SLC24A4: variants seen among roughly 807,000 people sequenced by gnomAD.
SLC24A4 encodes sodium/potassium/calcium exchanger 4.
A neutral mutation model predicts 79.0 loss-of-function variants in SLC24A4; 53 were observed. The observed-to-expected ratio is 0.67, with a 90% confidence interval of 0.54 to 0.84. SLC24A4 has a LOEUF of 0.84. Ranked by LOEUF, SLC24A4 falls within the 40% of genes least tolerant of loss-of-function variation. The probability of loss-of-function intolerance (pLI) is 0.00; values close to 1 mark genes in which losing one functional copy is unlikely to be tolerated. For missense variants in SLC24A4, 731 were observed against 822.0 expected (o/e 0.89, Z 1.35); for synonymous variants, 323 against 323.8 (o/e 1.00, Z 0.03).
chr14:92,374,440 G>A (rs1357932320), intron 2 of SLC24A4, among the ~76,000 whole-genome samples: 2 of 152,208 alleles, frequency 1.3e-5, no homozygotes, highest in Admixed American at 6.5e-5. Flanking sequence ...CTCTTGGAAG[G>A]CGGAGTAAAG....
chr14:92,372,545 G>A (rs1334482043), intron 2 of SLC24A4, among the ~76,000 whole-genome samples: 4 of 152,130 alleles, frequency 2.6e-5, no homozygotes, highest in African/African-American at 7.2e-5. Context: ...TGTATGTACT[G>A]GTGTGTTAGG....
In SLC24A4 at chr14:92,323,746, G is replaced by T; in HGVS notation, c.-85G>T. On this transcript the variant is annotated 5_prime_UTR_variant, in exon 1 of 17. Transcript: ENST00000532405. The surrounding 1 kb of genome is among the most constrained non-coding windows in gnomAD (Gnocchi z 4.9). The stretch of plus-strand genomic sequence containing the variant: ...TCTGAGTCGCGCACCGCCTGCTCCA[G>T]CCCCAGCGCCGCTCGGCCACTGATT... The T allele has an allele frequency of 6.8e-7, 1 of 1,471,386 alleles. No individual in the cohort carries two copies. 91.1% of individuals were successfully genotyped at this position (1,471,386 alleles called of 1,614,324 possible).
At chr14:92,372,644 GC>G (rs1888234252) in intron 2 of SLC24A4, among the ~76,000 whole-genome samples, 2 of 152,144 alleles carry the variant, frequency 1.3e-5, no homozygotes, top group South Asian at 4.1e-4. Context: ...ATGTTTTCTA[GC>G]AAAATGTGCC....
chr14:92,361,223 T>A (rs957297790), intron 2 of SLC24A4, among the ~76,000 whole-genome samples: 4 of 152,172 alleles, frequency 2.6e-5, no homozygotes, highest in Admixed American at 6.5e-5. Context: ...AGAACTTTTT[T>A]TTTTTTGCTG....
In SLC24A4 at chr14:92,403,533, A is replaced by G. The variant is rs888658521; in HGVS notation, c.242-30379A>G. ...TGAGGCAGGAGAATTGTGTGAACCC[A>G]GGAGGTGGAGGTTGCAGTGAGCCGA... On this transcript the variant is annotated intron_variant, in intron 2 of 16. Coordinates refer to ENST00000532405, the MANE Select transcript of SLC24A4 (RefSeq NM_153646.4). 4.4e-4 allele frequency among the ~76,000 whole-genome samples: 67 copies of G among 151,468 alleles called. 1 individual carries two copies. Among genetic ancestry groups the G allele is most frequent in the Admixed American group, 1.7e-3 (26 of 15,196 alleles).
Position 92,323,631 on chromosome 14 carries a change from C to T in SLC24A4, c.-200C>T. On this transcript the variant is annotated 5_prime_UTR_variant, in exon 1 of 17. Transcript: ENST00000532405. This position sits in a 1 kb window ranked among gnomAD's most constrained non-coding sequence, Gnocchi z 4.9. ...CACGCGGCGCGCGGGACTCTGAGCT[C>T]CGGCCGCGTCGCGCGTCCCCACCTT... 4 of 543,868 alleles carry T rather than the reference C, an allele frequency of 7.4e-6. No individual in the cohort carries two copies. Among genetic ancestry groups the T allele is most frequent in the East Asian group, 3.6e-5 (1 of 27,714 alleles). The allele number at this position is 543,868 out of a possible 1,614,324, so 33.7% of individuals were successfully genotyped here.
rs761242671 is a variant in SLC24A4 at position 92,456,607 on chromosome 14, G to C, written c.1254G>C (p.Pro418=). The change falls in exon 12 of 17, where the codon CCG becomes CCC. Residue 418 remains proline, a splice_region_variant and synonymous_variant. Coordinates refer to ENST00000532405, the MANE Select transcript of SLC24A4 (RefSeq NM_153646.4). ...EADFLSPFSV[P]EARGDKVKWV... ...ACTTCCTGTCCCCCTTCTCCGTGCC[G>C]GGTGAGTTCTGGGGGTACTGGACTC... 7.4e-6 allele frequency: 12 copies of C among 1,612,888 alleles called. No homozygotes were observed. The African/African-American group carries it at 1.1e-4, about 14-fold the overall frequency.
At position 92,482,855 on chromosome 14, in the gene SLC24A4, G is replaced by T. The variant is rs1463763492; in HGVS notation, c.1422+9G>T. On this transcript the variant is annotated intron_variant, in intron 13 of 16. Coordinates refer to ENST00000532405, the MANE Select transcript of SLC24A4 (RefSeq NM_153646.4). ...ACATCATGGTGTGGCTGGTGAGTGG[G>T]GGGAGCAGGGGGTGGACTGTGTGCA... The T allele has an allele frequency of 6.2e-7, 1 of 1,604,736 alleles. No individual in the cohort carries two copies. The highest frequency in any genetic ancestry group is 1.1e-5 in the South Asian group (1 of 89,576).
rs186529466 is a variant in SLC24A4, at chr14:92,493,666, C to T, written c.*38C>T. ...GCCCCTGGGAGCTGATCTGGACACC[C>T]TGTGACACTGGCGTTCTCCTCTCCC... is the stretch of plus-strand genomic sequence containing the variant. On this transcript the variant is annotated 3_prime_UTR_variant, in exon 17 of 17. Coordinates refer to ENST00000532405, the MANE Select transcript of SLC24A4 (RefSeq NM_153646.4). The T allele has an allele frequency of 6.0e-5, 96 of 1,608,550 alleles. No individual in the cohort carries two copies. The African/African-American group carries it at 1.2e-3, about 20-fold the overall frequency.
intron 2 of SLC24A4, among the ~76,000 whole-genome samples, chr14:92,354,320 T>G (rs879274324): frequency 3.5e-4 from 54 of 152,214 alleles, no homozygotes; most frequent in Non-Finnish European, 6.9e-4. Flanking sequence ...CCGGCTATTT[T>G]TTTTGTATTT....
intron 2 of SLC24A4, among the ~76,000 whole-genome samples, chr14:92,342,002 G>A (rs1292580759): frequency 6.6e-6 from 1 of 152,126 alleles, no homozygotes; most frequent in Admixed American, 6.6e-5. Context: ...TGTGGGCTTT[G>A]GGTGACCCAT....
rs778472920 is a variant in SLC24A4, at chr14:92,443,407, G to A, written c.590G>A (p.Arg197His). The A allele has an allele frequency of 3.4e-5, 55 of 1,614,022 alleles. No individual in the cohort carries two copies. The highest frequency in any genetic ancestry group is 1.1e-4 in the African/African-American group (8 of 74,934). ...VCGLFAGQVV[R>H]LTWWAVCRDS... The stretch of plus-strand genomic sequence containing the variant: ...ACGGGGCTCTGCTGGCAGGTGGTCC[G>A]TCTGACGTGGTGGGCCGTGTGCCGA... Residue 197 changes from arginine (R) to histidine (H), a missense_variant, in exon 7 of 17, where the codon CGT becomes CAT. Physicochemically the swap from Arg to His is conservative, Grantham distance 29 (BLOSUM62 0). Coordinates refer to ENST00000532405, the MANE Select transcript of SLC24A4 (RefSeq NM_153646.4).
At chr14:92,372,468 T>G (rs2141689929) in intron 2 of SLC24A4, among the ~76,000 whole-genome samples, 1 of 152,132 alleles carries the variant, frequency 6.6e-6, no homozygotes, top group South Asian at 2.1e-4. Context: ...GGTGGGTGTG[T>G]GCTCAGCCCC....
Position 92,398,729 on chromosome 14 carries a change from G to A in SLC24A4, c.242-35183G>A, listed in dbSNP as rs965077331. ...TTGCTTGGACACACTGGGCTGCACA[G>A]GCCAGGAAATTACCAGCATGTCCTC... On this transcript the variant is annotated intron_variant, in intron 2 of 16. Transcript: ENST00000532405. This position sits in a 1 kb window ranked among gnomAD's most constrained non-coding sequence, Gnocchi z 4.1. Among the ~76,000 whole-genome samples the A allele has an allele frequency of 6.6e-6, 1 of 152,156 alleles. No individual in the cohort carries two copies. Among genetic ancestry groups the A allele is most frequent in the East Asian group, 1.9e-4 (1 of 5,194 alleles).
At chr14:92,372,658 C>A (rs565469981) in intron 2 of SLC24A4, among the ~76,000 whole-genome samples, 1 of 152,112 alleles carries the variant, frequency 6.6e-6, no homozygotes, top group African/African-American at 2.4e-5. Context: ...AATGTGCCTG[C>A]GTTTCCAGAA....
chr14:92,478,374 C>G (rs10129294), intron 12 of SLC24A4, among the ~76,000 whole-genome samples: 3,013 of 152,268 alleles, frequency 0.02, 96 homozygotes, highest in African/African-American at 0.069. Flanking sequence ...CCAGCTGTCT[C>G]TGCACCATTT....
At chr14:92,426,552 ATGGCACTG>A (rs1891575844) in intron 2 of SLC24A4, among the ~76,000 whole-genome samples, 1 of 152,280 alleles carries the variant, frequency 6.6e-6, no homozygotes, top group South Asian at 2.1e-4. Context: ...TTTCTTTTTC[ATGGCACTG>A]AATCTCTTTT....
In SLC24A4 at chr14:92,397,538, G is replaced by A. The variant is rs565875211; in HGVS notation, c.242-36374G>A. On this transcript the variant is annotated intron_variant, in intron 2 of 16. Coordinates refer to ENST00000532405, the MANE Select transcript of SLC24A4 (RefSeq NM_153646.4). The stretch of plus-strand genomic sequence containing the variant: ...TAGTTGCCAAAGCATCCTGGAGGAG[G>A]GGGCATCCTGTCTGGGTTCCAGGGA... Among the ~76,000 whole-genome samples the A allele has an allele frequency of 1.0e-3, 158 of 152,332 alleles. 2 individuals are homozygous for A. The South Asian group carries it at 0.031, about 30-fold the overall frequency.
At chr14:92,452,707 C>G (rs1316272286) in intron 10 of SLC24A4, 2 of 152,360 alleles carry the variant, frequency 1.3e-5, no homozygotes, top group Non-Finnish European at 2.9e-5. Flanking sequence ...CAGCCAACCA[C>G]AAGCCCAGCC....
Sources: allele counts gnomAD v4.1 joint callset (sites outside exome capture counted in the v4.1 genomes callset), GRCh38; gene constraint gnomAD v4.1.1; non-coding constraint Gnocchi (gnomAD v3.1); transcripts MANE v1.5; gene names NCBI Gene and HGNC (gene_info 2026-07-23, HGNC 2026-07-21).